NVL: variants seen among roughly 807,000 people sequenced by gnomAD.
The protein encoded by NVL is nuclear valosin-containing protein-like.
Under a neutral mutation model 110.2 loss-of-function variants are expected in NVL, and 84 were observed. The ratio of observed to expected loss-of-function variants is 0.76; its 90% CI spans 0.64 to 0.91. The LOEUF (loss-of-function observed/expected upper bound fraction) is 0.91, where lower values mean the gene tolerates loss of function less well. Ranked by LOEUF, NVL falls within the 40% of genes least tolerant of loss-of-function variation. NVL has a pLI of 0.00. For missense variants in NVL, 882 were observed against 1,035.9 expected (o/e 0.85, Z 2.04); for synonymous variants, 354 against 361.1 (o/e 0.98, Z 0.22).
At chr1:224,239,457 G>A (rs1660908381) in intron 19 of NVL, among the ~76,000 whole-genome samples, 1 of 152,048 alleles carries the variant, frequency 6.6e-6, no homozygotes. Context: ...TGGTGGTGGG[G>A]CTGCCACATT....
intron 22 of NVL, 131 bp from the exon 23 acceptor site, chr1:224,227,801 G>A: frequency 4.3e-6 from 3 of 692,744 alleles, no homozygotes; most frequent in Non-Finnish European, 7.2e-6. Context: ...TGGAGAGAGG[G>A]TCTTTATAGA....
chr1:224,279,799 AG>A (rs1666136187), intron 16 of NVL, among the ~76,000 whole-genome samples: 1 of 152,208 alleles, frequency 6.6e-6, no homozygotes, highest in Non-Finnish European at 1.5e-5. Context: ...TAAAATATTC[AG>A]TAAGCACTAA....
intron 18 of NVL, among the ~76,000 whole-genome samples, chr1:224,255,188 T>TG (rs1425322608): frequency 7.8e-6 from 1 of 127,512 alleles, no homozygotes; most frequent in Admixed American, 8.1e-5. Flanking sequence ...GTAGGTTTTT[T>TG]TTTTTTTTTT....
rs758726562 is a variant in NVL at position 224,300,543 on chromosome 1, T to C, written c.1062+19A>G. 4 of 1,567,616 alleles carry C rather than the reference T, an allele frequency of 2.6e-6. No individual in the cohort carries two copies. Among genetic ancestry groups the C allele is most frequent in the Non-Finnish European group, 3.5e-6 (4 of 1,140,310 alleles). ...CTGGTAGCGTCTGACCACCTGGCAT[T>C]AGTCATTAACTGACTCACCACAGCT... On this transcript the variant is annotated intron_variant, in intron 10 of 22. Transcript: ENST00000281701.
chr1:224,242,010 C>A (rs1661260110), intron 19 of NVL, among the ~76,000 whole-genome samples: 1 of 151,310 alleles, frequency 6.6e-6, no homozygotes, highest in Admixed American at 6.6e-5. Context: ...CTAGCCTGGA[C>A]ATCAAGACCA....
chr1:224,242,596 T>C (rs1661325317), intron 19 of NVL, among the ~76,000 whole-genome samples: 1 of 149,216 alleles, frequency 6.7e-6, no homozygotes, highest in Admixed American at 6.8e-5. Context: ...GCCTTCCGAG[T>C]AGCTGGGACT....
intron 17 of NVL, among the ~76,000 whole-genome samples, chr1:224,273,467 G>A (rs984896549): frequency 2.6e-5 from 4 of 150,962 alleles, no homozygotes; most frequent in Non-Finnish European, 5.9e-5. Flanking sequence ...AAACAGATAA[G>A]GCTGCTCTGC....
intron 17 of NVL, among the ~76,000 whole-genome samples, chr1:224,274,968 A>C (rs1486433781): frequency 6.6e-6 from 1 of 152,184 alleles, no homozygotes; most frequent in Non-Finnish European, 1.5e-5. Flanking sequence ...CCCTATTTTG[A>C]GTGCATGATA....
chr1:224,295,082 T>C (rs1667746289), intron 11 of NVL, among the ~76,000 whole-genome samples: 1 of 152,266 alleles, frequency 6.6e-6, no homozygotes, highest in African/African-American at 2.4e-5. Flanking sequence ...CTAAGTATTA[T>C]TTCTCTCAGC....
At chr1:224,283,037 C>A (rs1376252479) in intron 15 of NVL, among the ~76,000 whole-genome samples, 1 of 152,168 alleles carries the variant, frequency 6.6e-6, no homozygotes, top group Admixed American at 6.5e-5. Flanking sequence ...TAGTCTTGCA[C>A]CCCTTGGAGA....
At chr1:224,259,492 G>A (rs1333949461) in intron 18 of NVL, among the ~76,000 whole-genome samples, 1 of 152,056 alleles carries the variant, frequency 6.6e-6, no homozygotes, top group African/African-American at 2.4e-5. Flanking sequence ...TAAATTTTAC[G>A]ATATGCCACT....
At chr1:224,269,268 T>C (rs929009860) in intron 17 of NVL, among the ~76,000 whole-genome samples, 9 of 151,780 alleles carry the variant, frequency 5.9e-5, no homozygotes, top group Non-Finnish European at 1.3e-4. Flanking sequence ...TCATATTTTT[T>C]CTAGAGATCC....
chr1:224,314,264 C>T (rs74793582), intron 4 of NVL, among the ~76,000 whole-genome samples: 2,830 of 152,144 alleles, frequency 0.019, 49 homozygotes, highest in Admixed American at 0.061. Context: ...TGCAGTAAAG[C>T]AGTAAAGAGT....
chr1:224,286,084 G>A lies in NVL; in HGVS notation c.1841C>T (p.Thr614Ile). 1.2e-6 allele frequency: 2 copies of A among 1,614,158 alleles called. No homozygotes were observed. Among genetic ancestry groups the A allele is most frequent in the Non-Finnish European group, 1.7e-6 (2 of 1,180,010 alleles). Reference protein sequence around the residue: ...PDQFKALGLVTPAGVLLAGPP... With the variant: ...PDQFKALGLVIPAGVLLAGPP... The stretch of plus-strand genomic sequence containing the variant: ...ACCAGCAAGGAGGACCCCAGCTGGA[G>A]TCACCAATCCAAGAGCTTTGAACTG... Residue 614 changes from threonine (T) to isoleucine (I), a missense_variant, in exon 15 of 23, where the codon ACT becomes ATT. Physicochemically the swap from Thr to Ile is moderately conservative, Grantham distance 89. Coordinates refer to ENST00000281701, the MANE Select transcript of NVL (RefSeq NM_002533.4).
In NVL at chr1:224,294,363, G is replaced by T. The variant is rs765996353; in HGVS notation, c.1229C>A (p.Thr410Asn). ...ATARVLVIGA[T>N]NRPDSLDPAL... ...AGGGTCTAACGAGTCTGGTCGATTAGTAGCTCCAATAACTAGGACCCGGGC... is the reference window on the plus strand; with the variant it reads ...AGGGTCTAACGAGTCTGGTCGATTATTAGCTCCAATAACTAGGACCCGGGC... Residue 410 changes from threonine (T) to asparagine (N), a missense_variant, in exon 12 of 23, where the codon ACT becomes AAT. By Grantham distance (65) the Thr-to-Asn change is moderately conservative. Transcript: ENST00000281701. The T allele has an allele frequency of 6.2e-7, 1 of 1,614,092 alleles. No individual in the cohort carries two copies. Among genetic ancestry groups the T allele is most frequent in the East Asian group, 2.2e-5 (1 of 44,878 alleles).
At chr1:224,266,904 T>A (rs1321615782) in intron 18 of NVL, among the ~76,000 whole-genome samples, 1 of 152,216 alleles carries the variant, frequency 6.6e-6, no homozygotes, top group African/African-American at 2.4e-5. Context: ...AGTATTATCA[T>A]CTTCATTTAA....
Position 224,281,277 on chromosome 1 carries a change from C to CTCTGTGTGTGTG in NVL, c.1900-93_1900-92insCACACACACAGA. On this transcript the variant is annotated intron_variant, in intron 15 of 22. Coordinates refer to ENST00000281701, the MANE Select transcript of NVL (RefSeq NM_002533.4). ...GATGATGTGTGACAATGAAAGGACTCTGTGTGCGTGTGTGTGTGTGTGTGT... is the reference window on the plus strand; with the variant it reads ...GATGATGTGTGACAATGAAAGGACTCTCTGTGTGTGTGTGTGTGCGTGTGTGTGTGTGTGTGT... The CTCTGTGTGTGTG allele has an allele frequency of 3.6e-6, 3 of 838,130 alleles. No individual in the cohort carries two copies. The South Asian group carries it at 4.2e-5, about 12-fold the overall frequency. The allele number at this position is 838,130 out of a possible 1,614,324, so 51.9% of individuals were successfully genotyped here. A position where few individuals can be genotyped will look rare whatever the true frequency, so the allele number is the denominator to read the frequency against.
At chr1:224,329,362 G>A (rs77674430) in intron 1 of NVL, among the ~76,000 whole-genome samples, 14,290 of 152,038 alleles carry the variant, frequency 0.094, 936 homozygotes, top group Middle Eastern at 0.17. Flanking sequence ...GGAAGGGGAG[G>A]TAAGAGAACA....
intron 14 of NVL, 67 bp from the exon 15 acceptor site, chr1:224,286,197 C>A: frequency 8.6e-7 from 1 of 1,157,414 alleles, no homozygotes; most frequent in Non-Finnish European, 1.3e-6. Context: ...CAAATTATTT[C>A]CAGATACATA....
Sources: gnomAD v4.1 joint callset for allele counts (sites outside exome capture counted in the v4.1 genomes callset) on GRCh38, gnomAD v4.1.1 for gene constraint, MANE v1.5 for transcripts, NCBI Gene and HGNC (gene_info 2026-07-23, HGNC 2026-07-21) for gene names.